CAMK2G: variants seen among roughly 807,000 people sequenced by gnomAD.
CAMK2G encodes calcium/calmodulin-dependent protein kinase type II subunit gamma.
Under a neutral mutation model 88.7 loss-of-function variants are expected in CAMK2G, and 23 were observed. That is an observed-to-expected ratio of 0.26 (90% CI 0.19 to 0.37). CAMK2G has a LOEUF of 0.37. Among genes scored for constraint, CAMK2G ranks in the 10% least tolerant of loss-of-function variants. The pLI, the probability that CAMK2G is intolerant of heterozygous loss-of-function variation, is 1.00. For synonymous variants in CAMK2G, 263 were observed against 294.8 expected, an observed-to-expected ratio of 0.89 and a Z score of 1.11; for missense variants, 476 against 780.8, an observed-to-expected ratio of 0.61 and a Z score of 4.65.
Position 73,847,352 on chromosome 10 carries a change from G to A in CAMK2G, c.697-5C>T. On this transcript the variant is annotated splice_polypyrimidine_tract_variant and splice_region_variant and intron_variant, in intron 9 of 22. Transcript: ENST00000423381. The stretch of plus-strand genomic sequence containing the variant: ...GTCCCATTCTGGTGATGGGAACTAA[G>A]GAGCAGGAATAGGGAGAAGAATGTG... 1 of 1,614,130 alleles carries A rather than the reference G, an allele frequency of 6.2e-7. No individual in the cohort carries two copies. Among genetic ancestry groups the A allele is most frequent in the Non-Finnish European group, 8.5e-7 (1 of 1,179,988 alleles).
chr10:73,850,974 A>AC (rs922325220), intron 5 of CAMK2G, among the ~76,000 whole-genome samples: 32 of 151,422 alleles, frequency 2.1e-4, no homozygotes, highest in African/African-American at 5.8e-4. Flanking sequence ...TGGTACAGTC[A>AC]CCCCCCCTCA....
At chr10:73,831,724 G>T (rs2092477368) in intron 14 of CAMK2G, among the ~76,000 whole-genome samples, 1 of 151,484 alleles carries the variant, frequency 6.6e-6, no homozygotes, top group Non-Finnish European at 1.5e-5. Context: ...GCCGGGCGTG[G>T]TGGCACATGC....
intron 14 of CAMK2G, among the ~76,000 whole-genome samples, chr10:73,836,162 G>A (rs1014139170): frequency 6.6e-6 from 1 of 152,170 alleles, no homozygotes; most frequent in African/African-American, 2.4e-5. Flanking sequence ...AAAACATATA[G>A]CAGAAAGTAA....
At chr10:73,831,370 T>C (rs1205129294) in intron 14 of CAMK2G, among the ~76,000 whole-genome samples, 1 of 151,260 alleles carries the variant, frequency 6.6e-6, no homozygotes, top group Non-Finnish European at 1.5e-5. Context: ...AAACCCCGTC[T>C]CTACTAAAAA....
At chr10:73,835,968 G>A (rs1047230820) in intron 14 of CAMK2G, among the ~76,000 whole-genome samples, 3 of 152,072 alleles carry the variant, frequency 2.0e-5, no homozygotes, top group African/African-American at 7.2e-5. Flanking sequence ...CCGAGTGGCT[G>A]GGATTACAGG....
At chr10:73,837,294 T>A in intron 14 of CAMK2G, 174 bp downstream of exon 14, 1 of 698,204 alleles carries the variant, frequency 1.4e-6, no homozygotes. Flanking sequence ...AATACCTCCC[T>A]ACTTCCCTCT....
rs5786123 is a variant in CAMK2G, at chr10:73,855,843, A to AT, written c.221-2598dup. Reference sequence around the variant, plus strand: ...GTATCTGAATAAGACTGCTATCGACATTTTTTTAATTTGTAAAGAAATTAA... The same window carrying AT: ...GTATCTGAATAAGACTGCTATCGACATTTTTTTTAATTTGTAAAGAAATTAA... On this transcript the variant is annotated intron_variant, in intron 3 of 22. Transcript: ENST00000423381. Among the ~76,000 whole-genome samples, 1,324 of 152,338 alleles carry AT rather than the reference A, an allele frequency of 8.7e-3. 18 individuals carry two copies. Among genetic ancestry groups the AT allele is most frequent in the East Asian group, 0.053 (274 of 5,182 alleles).
intron 12 of CAMK2G, among the ~76,000 whole-genome samples, chr10:73,841,131 C>A (rs1416466650): frequency 6.6e-6 from 1 of 152,260 alleles, no homozygotes; most frequent in Non-Finnish European, 1.5e-5. Flanking sequence ...AAGCCCTAGG[C>A]TCCCTGCCTG....
intron 3 of CAMK2G, among the ~76,000 whole-genome samples, chr10:73,854,058 G>T (rs946613627): frequency 2.6e-5 from 4 of 152,178 alleles, no homozygotes; most frequent in Admixed American, 6.5e-5. Context: ...CTTCTAAGTG[G>T]TGGGTCAAGA....
At chr10:73,819,416 C>G (rs1370371764) in intron 19 of CAMK2G, 116 bp downstream of exon 19, 3 of 760,318 alleles carry the variant, frequency 3.9e-6, no homozygotes, top group Non-Finnish European at 6.7e-6. Flanking sequence ...GGCCATGCTC[C>G]CAGAGCTTAC....
At chr10:73,838,344 T>C (rs2093448852) in intron 13 of CAMK2G, among the ~76,000 whole-genome samples, 1 of 152,224 alleles carries the variant, frequency 6.6e-6, no homozygotes, top group Admixed American at 6.5e-5. Context: ...CCTGGGTCTG[T>C]ATCTTGGTTC....
rs938246608 is a variant in CAMK2G, at chr10:73,814,218, C to CAAG, written c.*297_*299dup. On this transcript the variant is annotated 3_prime_UTR_variant, in exon 23 of 23. Transcript: ENST00000423381. ...ACATACTCCTGCCTTCTTGCCAACCCAAGGGCTGTCGGTGGTTTTAAAACG... is the reference window on the plus strand; with the variant it reads ...ACATACTCCTGCCTTCTTGCCAACCCAAGAAGGGCTGTCGGTGGTTTTAAAACG... 41 of 152,120 alleles carry CAAG rather than the reference C, an allele frequency of 2.7e-4. No individual in the cohort carries two copies. Among genetic ancestry groups the CAAG allele is most frequent in the African/African-American group, 9.4e-4 (39 of 41,480 alleles). 9.4% of individuals were successfully genotyped at this position (152,120 alleles called of 1,614,324 possible). A position where few individuals can be genotyped will look rare whatever the true frequency, so the allele number is the denominator to read the frequency against.
intron 21 of CAMK2G, chr10:73,816,469 C>CTT (rs145094344): frequency 4.2e-5 from 45 of 1,076,582 alleles, no homozygotes; most frequent in Non-Finnish European, 5.0e-5. Flanking sequence ...ATAATTTTTT[C>CTT]TTTTTTTTTG....
intron 2 of CAMK2G, among the ~76,000 whole-genome samples, chr10:73,871,744 A>T (rs1235947587): frequency 6.6e-6 from 1 of 152,138 alleles, no homozygotes; most frequent in Non-Finnish European, 1.5e-5. Flanking sequence ...ATGTACACGA[A>T]CAGCAAGAGA....
intron 3 of CAMK2G, among the ~76,000 whole-genome samples, chr10:73,856,156 G>T (rs983939608): frequency 3.3e-5 from 5 of 152,102 alleles, no homozygotes; most frequent in African/African-American, 7.2e-5. Context: ...TGGGCTCCAC[G>T]TGCATTACTG....
chr10:73,827,545 T>C (rs941176189), intron 15 of CAMK2G, among the ~76,000 whole-genome samples: 4 of 152,146 alleles, frequency 2.6e-5, no homozygotes, highest in Non-Finnish European at 5.9e-5. Flanking sequence ...TGGTGCCCAG[T>C]GTCCCGTGAG....
chr10:73,848,408 A>C lies in CAMK2G; in HGVS notation c.601+118T>G. On this transcript the variant is annotated intron_variant, in intron 8 of 22. Coordinates refer to ENST00000423381, the MANE Select transcript of CAMK2G (RefSeq NM_001367534.1). The surrounding 1 kb of genome is among the most constrained non-coding windows in gnomAD (Gnocchi z 4.5). The stretch of plus-strand genomic sequence containing the variant: ...AGCCATCCCAGGGGCAAACACCATA[A>C]TTTCACATACACCAGGCACGTGTGT... 1.3e-6 allele frequency: 1 copy of C among 741,192 alleles called. No homozygotes were observed. The highest frequency in any genetic ancestry group is 2.4e-6 in the Non-Finnish European group (1 of 412,312). 45.9% of individuals were successfully genotyped at this position (741,192 alleles called of 1,614,324 possible). A position where few individuals can be genotyped will look rare whatever the true frequency, so the allele number is the denominator to read the frequency against.
chr10:73,853,539 G>C (rs1166031571), intron 3 of CAMK2G, among the ~76,000 whole-genome samples: 2 of 152,234 alleles, frequency 1.3e-5, no homozygotes, highest in Non-Finnish European at 2.9e-5. Context: ...GCTGGTCTCC[G>C]AGAAGGTGGT....
At chr10:73,837,433 A>C in intron 14 of CAMK2G, 35 bp downstream of exon 14, 2 of 1,572,278 alleles carry the variant, frequency 1.3e-6, no homozygotes, top group Non-Finnish European at 1.8e-6. Flanking sequence ...GCGGGGAGAA[A>C]GAGGCCAGTC....
Sources: allele counts gnomAD v4.1 joint callset (sites outside exome capture counted in the v4.1 genomes callset), GRCh38; gene constraint gnomAD v4.1.1; non-coding constraint Gnocchi (gnomAD v3.1); transcripts MANE v1.5; gene names NCBI Gene and HGNC (gene_info 2026-07-23, HGNC 2026-07-21).